NPAT: variants seen among roughly 807,000 people sequenced by gnomAD.
The protein encoded by NPAT is nuclear protein, coactivator of histone transcription.
In NPAT, 52 loss-of-function variants were observed where a neutral mutation model predicts 130.7. That is an observed-to-expected ratio of 0.40 (90% CI 0.32 to 0.50). The LOEUF is 0.50. Among genes scored for constraint, NPAT ranks in the 20% least tolerant of loss-of-function variants. The pLI, the probability that NPAT is intolerant of heterozygous loss-of-function variation, is 0.68. For missense variants in NPAT, 1,687 were observed against 1,662.6 expected, an observed-to-expected ratio of 1.01 and a Z score of -0.26; for synonymous variants, 580 against 584.8, an observed-to-expected ratio of 0.99 and a Z score of 0.12.
chr11:108,190,425 GTAAT>G (rs2078158121), intron 5 of NPAT, 31 bp downstream of exon 5: 1 of 1,561,762 alleles, frequency 6.4e-7, no homozygotes, highest in East Asian at 2.3e-5. Context: ...TAAGTTTGAA[GTAAT>G]TGTGAACATT....
intron 3 of NPAT, among the ~76,000 whole-genome samples, chr11:108,192,560 A>G (rs1565320663): frequency 6.6e-6 from 1 of 152,240 alleles, no homozygotes; most frequent in Non-Finnish European, 1.5e-5. Context: ...AATAATTATC[A>G]TAAAGGTTAT....
intron 1 of NPAT, among the ~76,000 whole-genome samples, chr11:108,200,703 G>A (rs2078267921): frequency 6.6e-6 from 1 of 152,154 alleles, no homozygotes; most frequent in Non-Finnish European, 1.5e-5. Flanking sequence ...AACAGCCCTT[G>A]TAATACTCTG....
intron 1 of NPAT, among the ~76,000 whole-genome samples, chr11:108,199,711 T>C (rs1473467963): frequency 2.0e-5 from 3 of 152,158 alleles, no homozygotes; most frequent in Non-Finnish European, 4.4e-5. Context: ...TTTGTTTCAA[T>C]CCAGTCTCCC....
chr11:108,217,862 G>A (rs1162687303), intron 1 of NPAT, among the ~76,000 whole-genome samples: 1 of 152,096 alleles, frequency 6.6e-6, no homozygotes, highest in African/African-American at 2.4e-5. Context: ...GCGTGGTGGT[G>A]AGCGCCTGTA....
chr11:108,192,507 T>C (rs986208855), intron 3 of NPAT, among the ~76,000 whole-genome samples: 1 of 152,268 alleles, frequency 6.6e-6, no homozygotes, highest in African/African-American at 2.4e-5. Context: ...TTCTATCTGA[T>C]ATCATGTGAC....
Position 108,158,735 on chromosome 11 carries a change from GT to G in NPAT, c.*206del. On this transcript the variant is annotated 3_prime_UTR_variant, in exon 18 of 18. Transcript: ENST00000278612. ...TGGCTTTACTTACATTTCTGCAAAC[GT>G]TTTTCCCAAAATAAAAATATACCAA... 2 of 496,158 alleles carry G rather than the reference GT, an allele frequency of 4.0e-6. No homozygotes were observed. Among genetic ancestry groups the G allele is most frequent in the Admixed American group, 3.5e-5 (1 of 28,596 alleles). 30.7% of individuals were successfully genotyped at this position (496,158 alleles called of 1,614,324 possible).
At chr11:108,190,614 C>G in intron 4 of NPAT, 114 bp from the exon 5 acceptor site, 2 of 874,940 alleles carry the variant, frequency 2.3e-6, no homozygotes, top group Non-Finnish European at 3.7e-6. Context: ...CAAAAAATCT[C>G]TCTCAGACAA....
chr11:108,195,594 C>A (rs2078211907), intron 2 of NPAT, among the ~76,000 whole-genome samples: 1 of 152,006 alleles, frequency 6.6e-6, no homozygotes, highest in African/African-American at 2.4e-5. Context: ...TGGGTACAAA[C>A]CCTTTATCAG....
chr11:108,194,307 A>G (rs2078199749), intron 2 of NPAT, among the ~76,000 whole-genome samples: 1 of 152,200 alleles, frequency 6.6e-6, no homozygotes, highest in African/African-American at 2.4e-5. Context: ...ATGCATATAC[A>G]CAAGCATTTG....
At chr11:108,185,792 ACAATCTCAGTTCACTG>A (rs969716607) in intron 8 of NPAT, among the ~76,000 whole-genome samples, 1 of 152,228 alleles carries the variant, frequency 6.6e-6, no homozygotes, top group African/African-American at 2.4e-5. Context: ...GTACAGTGGC[ACAATCTCAGTTCACTG>A]CAACCTCCAC....
intron 8 of NPAT, 77 bp downstream of exon 8, chr11:108,186,405 T>A (rs1216837025): frequency 9.7e-7 from 1 of 1,028,862 alleles, no homozygotes; most frequent in African/African-American, 1.6e-5. Flanking sequence ...CATACACACA[T>A]ACATACATTT....
intron 17 of NPAT, among the ~76,000 whole-genome samples, chr11:108,160,478 T>C (rs1312563495): frequency 6.6e-6 from 1 of 152,062 alleles, no homozygotes; most frequent in African/African-American, 2.4e-5. Context: ...TTCTACACAA[T>C]AGTGTTTAAT....
intron 15 of NPAT, among the ~76,000 whole-genome samples, chr11:108,168,291 T>A (rs1470925918): frequency 6.6e-6 from 1 of 152,214 alleles, no homozygotes; most frequent in African/African-American, 2.4e-5. Context: ...ATCGAAAACA[T>A]CTGAAAAGTC....
Position 108,175,730 on chromosome 11 carries a change from T to C in NPAT, c.1132+516A>G, listed in dbSNP as rs77007190. On this transcript the variant is annotated intron_variant, in intron 12 of 17. Transcript: ENST00000278612. ...GAACACTGGAAGCCATCAGATTTTTTACTGGTGGGAGCAGGTGATAACATT... is the reference window on the plus strand; with the variant it reads ...GAACACTGGAAGCCATCAGATTTTTCACTGGTGGGAGCAGGTGATAACATT... 2.1e-3 allele frequency among the ~76,000 whole-genome samples: 314 copies of C among 152,370 alleles called. 12 individuals are homozygous for C. The East Asian group carries it at 0.04, about 19-fold the overall frequency.
chr11:108,158,262 A>G lies in NPAT; in HGVS notation c.*680T>C, dbSNP rs909452296. 7.9e-5 allele frequency: 12 copies of G among 152,530 alleles called. No individual in the cohort carries two copies. The allele number at this position is 152,530 out of a possible 1,614,324, so 9.4% of individuals were successfully genotyped here. A position where few individuals can be genotyped will look rare whatever the true frequency, so the allele number is the denominator to read the frequency against. On this transcript the variant is annotated 3_prime_UTR_variant, in exon 18 of 18. Coordinates refer to ENST00000278612, the MANE Select transcript of NPAT (RefSeq NM_002519.3). ...CTTAAGTTATAAATGAAAGATCAGAACATTCAATAAATGGTTTACAAAATT... is the reference window on the plus strand; with the variant it reads ...CTTAAGTTATAAATGAAAGATCAGAGCATTCAATAAATGGTTTACAAAATT...
chr11:108,169,958 ATTCTGT>A lies in NPAT; in HGVS notation c.2865_2870del (p.Gln956_Asn957del). 6.2e-7 allele frequency: 1 copy of A among 1,613,946 alleles called. No homozygotes were observed. Among genetic ancestry groups the A allele is most frequent in the East Asian group, 2.2e-5 (1 of 44,866 alleles). ...GAGGAGGAGTAGAAAAGTTATTTCC[ATTCTGT>A]CCAACCACAGATACTGGGATCATCC... On this transcript the variant is annotated inframe_deletion, in exon 14 of 18. Transcript: ENST00000278612.
At chr11:108,193,524 G>A (rs971518246) in intron 3 of NPAT, among the ~76,000 whole-genome samples, 3 of 152,150 alleles carry the variant, frequency 2.0e-5, no homozygotes, top group East Asian at 3.9e-4. Flanking sequence ...TCGGGAGTTC[G>A]AGACCAGCCT....
chr11:108,202,534 TAGTTCTTAAA>T (rs1322411582), intron 1 of NPAT, among the ~76,000 whole-genome samples: 1 of 152,124 alleles, frequency 6.6e-6, no homozygotes, highest in Non-Finnish European at 1.5e-5. Context: ...ACCAGCCAGG[TAGTTCTTAAA>T]AGTTCTTAAA....
intron 10 of NPAT, among the ~76,000 whole-genome samples, chr11:108,184,519 GA>G (rs1369396297): frequency 7.7e-6 from 1 of 130,292 alleles, no homozygotes; most frequent in Non-Finnish European, 1.6e-5. Context: ...CTATTACTTG[GA>G]TTCATTACAT....
Sources: gnomAD v4.1 joint callset for allele counts (sites outside exome capture counted in the v4.1 genomes callset) on GRCh38, gnomAD v4.1.1 for gene constraint, MANE v1.5 for transcripts, NCBI Gene and HGNC (gene_info 2026-07-23, HGNC 2026-07-21) for gene names.